POLR2F: variants seen among roughly 807,000 people sequenced by gnomAD.
POLR2F encodes the protein RNA polymerase II, I and III subunit F.
POLR2F carries 12 observed loss-of-function variants against 22.7 expected under a neutral mutation model. The ratio of observed to expected loss-of-function variants is 0.53; its 90% CI spans 0.34 to 0.86. The LOEUF (loss-of-function observed/expected upper bound fraction) is 0.86, where lower values mean the gene tolerates loss of function less well. POLR2F is among the 40% of genes least tolerant of loss of function. The pLI, the probability that POLR2F is intolerant of heterozygous loss-of-function variation, is 0.02. For synonymous variants in POLR2F, 57 were observed against 66.0 expected, an observed-to-expected ratio of 0.86 and a Z score of 0.66; for missense variants, 126 against 171.5, an observed-to-expected ratio of 0.73 and a Z score of 1.48.
Position 37,968,315 on chromosome 22 carries a change from G to A in POLR2F, c.*600G>A, listed in dbSNP as rs1931938661. On this transcript the variant is annotated 3_prime_UTR_variant, in exon 5 of 5. Coordinates refer to ENST00000442738, the MANE Select transcript of POLR2F (RefSeq NM_021974.5). ...CAGCTGGAGCAAGGACCGAGCACCT[G>A]CCTACCCCTGCCCCCATGGCTCTGT... is the stretch of plus-strand genomic sequence containing the variant. The A allele has an allele frequency of 1.0e-6, 1 of 985,884 alleles. No homozygotes were observed. The allele number at this position is 985,884 out of a possible 1,614,324, so 61.1% of individuals were successfully genotyped here.
intron 4 of POLR2F, among the ~76,000 whole-genome samples, chr22:37,976,177 G>GGCACCGCT (rs1210419112): frequency 3.9e-5 from 6 of 152,112 alleles, no homozygotes; most frequent in Non-Finnish European, 5.9e-5. Context: ...GAACCAAGAT[G>GGCACCGCT]GCACCGCTGC....
intron 1 of POLR2F, among the ~76,000 whole-genome samples, chr22:38,006,246 A>G (rs1350824662): frequency 6.6e-6 from 1 of 152,174 alleles, no homozygotes; most frequent in Non-Finnish European, 1.5e-5. Flanking sequence ...TCTTCACTCC[A>G]TTGAGCTGCA....
intron 1 of POLR2F, among the ~76,000 whole-genome samples, chr22:37,992,163 T>G (rs1932740268): frequency 6.6e-6 from 1 of 152,172 alleles, no homozygotes; most frequent in South Asian, 2.1e-4. Flanking sequence ...TCCTGACACC[T>G]CCATTTATTA....
At chr22:37,972,204 A>T (rs1480698622), downstream of POLR2F, 7 of 1,277,740 alleles carry the variant, frequency 5.5e-6, no homozygotes, top group African/African-American at 1.5e-5. Context: ...ACCTTTGATG[A>T]TCTATCCTTT....
downstream of POLR2F, among the ~76,000 whole-genome samples, chr22:38,027,108 G>C (rs1026259266): frequency 6.6e-6 from 1 of 152,158 alleles, no homozygotes; most frequent in Non-Finnish European, 1.5e-5. Flanking sequence ...CGTGGAGTGC[G>C]AGATGGCATA....
chr22:37,982,497 T>C (rs1004046538), upstream of POLR2F, among the ~76,000 whole-genome samples: 4 of 152,154 alleles, frequency 2.6e-5, no homozygotes, highest in African/African-American at 9.7e-5. Context: ...GGGGATGTTT[T>C]TCCTAGAGGT....
At position 38,040,967 on chromosome 22, in the gene POLR2F, G is replaced by A. The variant is rs1199572595; in HGVS notation, c.453-101G>A. On this transcript the variant is annotated intron_variant, in intron 5 of 5. Coordinates refer to the POLR2F transcript ENST00000407936. ...GAGAGAGAATAATGATGACAACAGT[G>A]ACGTTGATCAAAGGCTGAAGTTCTT... The A allele has an allele frequency of 7.0e-6, 11 of 1,572,782 alleles. No homozygotes were observed. The African/African-American group carries it at 1.5e-4, about 21-fold the overall frequency.
At position 37,978,178 on chromosome 22, in the gene POLR2F, C is replaced by T. The variant is rs902044556; in HGVS notation, c.293+11008C>T. 24 of 1,488,088 alleles carry T rather than the reference C, an allele frequency of 1.6e-5. 1 individual carries two copies. Among genetic ancestry groups the T allele is most frequent in the African/African-American group, 2.8e-5 (2 of 72,254 alleles). The allele number at this position is 1,488,088 out of a possible 1,614,324, so 92.2% of individuals were successfully genotyped here. On this transcript the variant is annotated intron_variant, in intron 4 of 4. Coordinates refer to the POLR2F transcript ENST00000405557. This position sits in a 1 kb window ranked among gnomAD's most constrained non-coding sequence, Gnocchi z 5.0. ...GCGGAGAGGACAGCAGAGGGGCTGG[C>T]GTGAATGCCAGAGCACTCCAGGTTG...
downstream of POLR2F, chr22:37,973,737 G>T (rs1335267676): frequency 6.2e-7 from 1 of 1,603,116 alleles, no homozygotes; most frequent in Admixed American, 1.7e-5. Context: ...GAGCCATAGT[G>T]GGGCAGGCTG....
At chr22:37,981,334 C>CCT (rs2145774035), upstream of POLR2F, among the ~76,000 whole-genome samples, 1 of 152,316 alleles carries the variant, frequency 6.6e-6, no homozygotes, top group South Asian at 2.1e-4. Context: ...AGGGAGCCAC[C>CCT]CTCTGTTGGC....
intron 1 of POLR2F, among the ~76,000 whole-genome samples, chr22:38,013,311 A>G (rs1165512194): frequency 1.3e-5 from 2 of 151,952 alleles, no homozygotes; most frequent in Admixed American, 1.3e-4. Context: ...ATGCCTGGCT[A>G]ATTTTTGTAT....
At chr22:38,030,581 C>T (rs551433028), downstream of POLR2F, among the ~76,000 whole-genome samples, 37 of 152,312 alleles carry the variant, frequency 2.4e-4, no homozygotes, top group South Asian at 7.1e-3. Flanking sequence ...CCCTGCAAAC[C>T]GGAGCCCGAG....
chr22:37,964,545 T>C (rs1252616731), intron 3 of POLR2F, among the ~76,000 whole-genome samples: 1 of 151,178 alleles, frequency 6.6e-6, no homozygotes, highest in East Asian at 1.9e-4. Flanking sequence ...AATCCAAGTG[T>C]CCTGTTTTTC....
At chr22:37,989,780 T>A (rs1932684454) in intron 1 of POLR2F, among the ~76,000 whole-genome samples, 1 of 152,220 alleles carries the variant, frequency 6.6e-6, no homozygotes. Flanking sequence ...TCTGCTCTAT[T>A]GCCCCTAGGC....
intron 1 of POLR2F, among the ~76,000 whole-genome samples, chr22:37,955,682 T>C (rs1200560933): frequency 6.6e-6 from 1 of 151,822 alleles, no homozygotes; most frequent in Admixed American, 6.6e-5. Context: ...CTTCTTCTTA[T>C]TATTATTTTT....
chr22:38,028,579 A>G (rs2085036958), downstream of POLR2F, among the ~76,000 whole-genome samples: 1 of 151,816 alleles, frequency 6.6e-6, no homozygotes, highest in Non-Finnish European at 1.5e-5. Context: ...TGTGTGCATG[A>G]ATGTGTGTAT....
At chr22:37,954,218 A>T (rs1007037268) in intron 1 of POLR2F, among the ~76,000 whole-genome samples, 1 of 152,008 alleles carries the variant, frequency 6.6e-6, no homozygotes, top group African/African-American at 2.4e-5. Flanking sequence ...TTCTAGACGT[A>T]TGTAGTATAG....
At chr22:38,022,456 T>C (rs1481738942) in intron 1 of POLR2F, among the ~76,000 whole-genome samples, 1 of 143,476 alleles carries the variant, frequency 7.0e-6, no homozygotes, top group East Asian at 2.1e-4. Context: ...AAGGCTGAGG[T>C]GGGAGAATTG....
rs752428971 is a variant in POLR2F at position 37,967,235 on chromosome 22, T to C, written c.293+65T>C. ...GGGAGGCATCTGTTGGGCTCTCTGT[T>C]GCACCCTTTGCTCCCACTTGCCTGG... On this transcript the variant is annotated intron_variant, in intron 4 of 4. Transcript: ENST00000442738. 9.4e-6 allele frequency: 15 copies of C among 1,601,704 alleles called. No homozygotes were observed. The East Asian group carries it at 1.3e-4, about 14-fold the overall frequency.
Sources: gnomAD v4.1 joint callset for allele counts (sites outside exome capture counted in the v4.1 genomes callset) on GRCh38, gnomAD v4.1.1 for gene constraint, Gnocchi (gnomAD v3.1) non-coding constraint, MANE v1.5 for transcripts, NCBI Gene and HGNC (gene_info 2026-07-23, HGNC 2026-07-21) for gene names.